MYLK2: variants seen among roughly 807,000 people sequenced by gnomAD.
MYLK2 encodes myosin light chain kinase 2, skeletal/cardiac muscle.
In MYLK2, 27 loss-of-function variants were observed where a neutral mutation model predicts 58.2. The ratio of observed to expected loss-of-function variants is 0.46; its 90% confidence interval spans 0.34 to 0.64. MYLK2 has a LOEUF of 0.64. Ranked by LOEUF, MYLK2 falls within the 30% of genes least tolerant of loss-of-function variation. The pLI is 0.01. For missense variants in MYLK2, 676 were observed against 764.3 expected (o/e 0.88, Z 1.36); for synonymous variants, 310 against 296.7 (o/e 1.04, Z -0.46).
At chr20:31,833,692 G>C (rs984254756) in intron 12 of MYLK2, 25 bp from the exon 13 acceptor site, 1 of 1,609,166 alleles carries the variant, frequency 6.2e-7, no homozygotes, top group Non-Finnish European at 8.5e-7. Flanking sequence ...GTGTTGACTG[G>C]GACTCCCTCT....
intron 12 of MYLK2, 107 bp downstream of exon 12, chr20:31,832,243 GCTGGGCCCTGT>G (rs1600414681): frequency 6.8e-7 from 1 of 1,471,626 alleles, no homozygotes; most frequent in East Asian, 2.4e-5. Context: ...TGTTGACCAG[GCTGGGCCCTGT>G]CCGGAAGACA....
At chr20:31,828,151 G>T (rs1045677048) in intron 8 of MYLK2, 17 of 982,956 alleles carry the variant, frequency 1.7e-5, no homozygotes, top group Middle Eastern at 5.2e-4. Flanking sequence ...GCCTCCCAAA[G>T]TGCTGGGATT....
rs2062301686 is a variant in MYLK2, at chr20:31,830,726, C to T, written c.1225-93C>T. On this transcript the variant is annotated intron_variant, in intron 8 of 12. Coordinates refer to ENST00000375985, the MANE Select transcript of MYLK2 (RefSeq NM_033118.4). ...CTGCCCACTCTGGCAGCTTGGGCCT[C>T]TGCCTCAAGGAGCCTGGGGTTTGCA... 15 of 1,343,248 alleles carry T rather than the reference C, an allele frequency of 1.1e-5. No homozygotes were observed. The East Asian group carries it at 3.2e-4, about 29-fold the overall frequency. 83.2% of individuals were successfully genotyped at this position (1,343,248 alleles called of 1,614,324 possible).
intron 10 of MYLK2, 119 bp from the exon 11 acceptor site, chr20:31,831,584 G>A (rs2062306572): frequency 8.5e-7 from 1 of 1,180,364 alleles, no homozygotes; most frequent in African/African-American, 1.5e-5. Context: ...ACGAGAGGCT[G>A]GGGGTCTTTT....
chr20:31,823,362 CA>C, intron 4 of MYLK2, 114 bp from the exon 5 acceptor site: 1 of 888,896 alleles, frequency 1.1e-6, no homozygotes, highest in South Asian at 1.5e-5. Context: ...CCCCAGGTAT[CA>C]CTTGGTGAAC....
At chr20:31,828,457 G>A in intron 8 of MYLK2, 3 of 985,380 alleles carry the variant, frequency 3.0e-6, no homozygotes, top group Non-Finnish European at 3.6e-6. Context: ...CATTCGATAA[G>A]CACGTGCTGG....
At chr20:31,822,866 A>T (rs1259319653) in intron 4 of MYLK2, among the ~76,000 whole-genome samples, 1 of 152,162 alleles carries the variant, frequency 6.6e-6, no homozygotes, top group Non-Finnish European at 1.5e-5. Flanking sequence ...CGTTTGATTT[A>T]TCACCAGCCC....
At position 31,819,564 on chromosome 20, in the gene MYLK2, A is replaced by C. The variant is rs2062240948; in HGVS notation, c.-17A>C. The C allele has an allele frequency of 6.4e-7, 1 of 1,551,492 alleles. No homozygotes were observed. On this transcript the variant is annotated 5_prime_UTR_variant, in exon 2 of 13. Transcript: ENST00000375985. ...AGACTTGAGTTAGACAAGCAGCAGC[A>C]CACGCCTCCCTACCTCATGGCGACA... is the stretch of plus-strand genomic sequence containing the variant.
At position 31,830,814 on chromosome 20, in the gene MYLK2, C is replaced by G; in HGVS notation, c.1225-5C>G. ...GCCCACCCAGGCCACCCCCTTTCTC[C>G]TCAGCCAGAGAACATCCTGTGTGTC... On this transcript the variant is annotated splice_polypyrimidine_tract_variant and splice_region_variant and intron_variant, in intron 8 of 12. Coordinates refer to ENST00000375985, the MANE Select transcript of MYLK2 (RefSeq NM_033118.4). 1 of 1,613,930 alleles carries G rather than the reference C, an allele frequency of 6.2e-7. No homozygotes were observed. Among genetic ancestry groups the G allele is most frequent in the South Asian group, 1.1e-5 (1 of 91,074 alleles).
chr20:31,821,634 C>T lies in MYLK2; in HGVS notation c.669C>T (p.Asp223=), dbSNP rs2123128080. ...GQAGQAKMQG[D]TSRGIEFQAV... ...CTGGCCAGGCTAAGATGCAAGGGGA[C>T]ACCTCGAGGGGGATTGAGTTCCAGG... Residue 223 remains aspartate (D), a synonymous_variant, in exon 4 of 13, where the codon GAC becomes GAT. Coordinates refer to ENST00000375985, the MANE Select transcript of MYLK2 (RefSeq NM_033118.4). 9.3e-6 allele frequency: 15 copies of T among 1,614,054 alleles called. No individual in the cohort carries two copies. The highest frequency in any genetic ancestry group is 1.3e-5 in the Non-Finnish European group (15 of 1,180,026).
rs761288375 is a variant in MYLK2 at position 31,832,156 on chromosome 20, G to T, written c.1710+20G>T. 1 of 1,591,312 alleles carries T rather than the reference G, an allele frequency of 6.3e-7. No individual in the cohort carries two copies. The highest frequency in any genetic ancestry group is 2.3e-5 in the East Asian group (1 of 44,316). The stretch of plus-strand genomic sequence containing the variant: ...TGGAAGGTACCGCTGGATTCAGGGT[G>T]GGGAGGGAGGGCTTGCTAGTGGGAA... On this transcript the variant is annotated intron_variant, in intron 12 of 12. Coordinates refer to ENST00000375985, the MANE Select transcript of MYLK2 (RefSeq NM_033118.4).
intron 4 of MYLK2, 65 bp downstream of exon 4, chr20:31,821,802 G>A: frequency 6.7e-7 from 1 of 1,493,854 alleles, no homozygotes; most frequent in South Asian, 1.3e-5. Context: ...GGGGCTGTCA[G>A]TCCCAAGTCT....
In MYLK2 at chr20:31,831,712, C is replaced by T. The variant is rs751850447; in HGVS notation, c.1434C>T (p.Gly478=). 3.1e-6 allele frequency: 5 copies of T among 1,614,124 alleles called. No individual in the cohort carries two copies. The Admixed American group carries it at 8.3e-5, about 27-fold the overall frequency. The change falls in exon 11 of 13, where the codon GGC becomes GGT. Residue 478 remains glycine (G), a synonymous_variant. Transcript: ENST00000375985. ...TATCCCCTCCCTCTAGGCTGAGCGG[C>T]CTCTCCCCCTTCCTGGGAGATGATG... The part of the protein sequence containing the change: ...MGVITYMLLS[G]LSPFLGDDDT...
At chr20:31,823,144 C>T (rs2062259829) in intron 4 of MYLK2, among the ~76,000 whole-genome samples, 1 of 152,236 alleles carries the variant, frequency 6.6e-6, no homozygotes, top group African/African-American at 2.4e-5. Context: ...CGCTTTATAG[C>T]TGCTGTGTTT....
chr20:31,825,800 C>T (rs1041695062), intron 6 of MYLK2, among the ~76,000 whole-genome samples: 5 of 152,160 alleles, frequency 3.3e-5, no homozygotes, highest in South Asian at 2.1e-4. Flanking sequence ...GAGAGAGGCC[C>T]GATTTACAGC....
At chr20:31,827,010 C>A in intron 8 of MYLK2, 72 bp downstream of exon 8, 1 of 1,603,210 alleles carries the variant, frequency 6.2e-7, no homozygotes, top group Non-Finnish European at 8.5e-7. Context: ...CTGTCACCAG[C>A]CATCCCTCTG....
In MYLK2 at chr20:31,820,384, C is replaced by T; in HGVS notation, c.311C>T (p.Pro104Leu). Residue 104 changes from proline to leucine, a missense_variant, in exon 3 of 13, where the codon CCT (proline) becomes CTT (leucine). By Grantham distance (98) the Pro-to-Leu change is moderately conservative. This residue lies in a region of MYLK2 where 306 missense variants were observed against 296.5 expected (regional missense o/e 1.03). Transcript: ENST00000375985. ...PAALPQQTATPETSVKKPKAE... is the reference protein window; with the variant it reads ...PAALPQQTATLETSVKKPKAE... Reference sequence around the variant, plus strand: ...GCCCTGCCCCAGCAGACTGCGACACCTGAGACCAGCGTCAAGAAGCCCAAG... The same window carrying T: ...GCCCTGCCCCAGCAGACTGCGACACTTGAGACCAGCGTCAAGAAGCCCAAG... 1 of 1,612,764 alleles carries T rather than the reference C, an allele frequency of 6.2e-7. No individual in the cohort carries two copies. The highest frequency in any genetic ancestry group is 8.5e-7 in the Non-Finnish European group (1 of 1,179,772).
intron 6 of MYLK2, chr20:31,824,615 C>G (rs970029493): frequency 1.0e-5 from 10 of 958,148 alleles, no homozygotes; most frequent in Middle Eastern, 5.4e-4. Context: ...CCCTCTGGTT[C>G]AATTCAACAA....
At position 31,831,528 on chromosome 20, in the gene MYLK2, G is replaced by T. The variant is rs146869167; in HGVS notation, c.1425-175G>T. The stretch of plus-strand genomic sequence containing the variant: ...AGAGTGAGGCTCAGAGAGGGGAGAT[G>T]ACTTACCCAAAGTCACCCAGCCAGA... On this transcript the variant is annotated intron_variant, in intron 10 of 12. Transcript: ENST00000375985. Among the ~76,000 whole-genome samples, 17 of 152,180 alleles carry T rather than the reference G, an allele frequency of 1.1e-4. No individual in the cohort carries two copies. In the East Asian group the frequency reaches 2.9e-3, roughly 26 times the overall value.
Sources: allele counts gnomAD v4.1 joint callset (sites outside exome capture counted in the v4.1 genomes callset), GRCh38; gene constraint gnomAD v4.1.1; regional missense constraint gnomAD v4.1.1; transcripts MANE v1.5; gene names NCBI Gene and HGNC (gene_info 2026-07-23, HGNC 2026-07-21).